Variants in ATAD2B observed in about 807,000 individuals in gnomAD.
The protein encoded by ATAD2B is ATPase family AAA domain containing 2B.
A neutral mutation model predicts 167.6 loss-of-function variants in ATAD2B; 40 were observed. That is an observed-to-expected ratio of 0.24 (90% CI 0.19 to 0.31). The LOEUF is 0.31. ATAD2B is among the 10% of genes least tolerant of loss of function. The pLI is 1.00. For synonymous variants in ATAD2B, 579 were observed against 596.5 expected (o/e 0.97, Z 0.43); for missense variants, 1,242 against 1,757.2 (o/e 0.71, Z 5.24).
chr2:23,924,853 A>ATT (rs1454905478), intron 1 of ATAD2B, among the ~76,000 whole-genome samples: 1 of 152,192 alleles, frequency 6.6e-6, no homozygotes, highest in Middle Eastern at 3.2e-3. Context: ...TAACATCTCT[A>ATT]TAACAGCTGC....
At chr2:23,871,900 C>T (rs1209189618) in intron 8 of ATAD2B, among the ~76,000 whole-genome samples, 1 of 151,882 alleles carries the variant, frequency 6.6e-6, no homozygotes, top group African/African-American at 2.4e-5. Context: ...TTTTTTGAGA[C>T]AGAATCTCGC....
At chr2:23,802,229 C>T (rs945874975) in intron 18 of ATAD2B, among the ~76,000 whole-genome samples, 13 of 151,802 alleles carry the variant, frequency 8.6e-5, no homozygotes, top group Non-Finnish European at 1.6e-4. Flanking sequence ...AATTAAAAGG[C>T]ACTAATAAAT....
intron 13 of ATAD2B, among the ~76,000 whole-genome samples, chr2:23,854,842 T>C (rs1479410757): frequency 1.3e-5 from 2 of 152,140 alleles, no homozygotes; most frequent in Non-Finnish European, 2.9e-5. Flanking sequence ...ATCCTGACTC[T>C]TCAAAAGTCC....
chr2:23,879,309 GAAAA>G (rs57720701), intron 7 of ATAD2B, among the ~76,000 whole-genome samples: 1 of 142,162 alleles, frequency 7.0e-6, no homozygotes, highest in Non-Finnish European at 1.5e-5. Context: ...TTCAGCAAAA[GAAAA>G]AAAAAAAGGA....
rs370780418 is a variant in ATAD2B at position 23,908,618 on chromosome 2, T to C, written c.217-12648A>G. Among the ~76,000 whole-genome samples the C allele has an allele frequency of 7.6e-3, 1,161 of 152,130 alleles. 4 individuals carry two copies. The highest frequency in any genetic ancestry group is 0.011 in the Non-Finnish European group (759 of 67,970). On this transcript the variant is annotated intron_variant, in intron 1 of 27. Transcript: ENST00000238789. ...TCTAGAACTAGAAATACCATTTGAC[T>C]CAGCCATCCCATTACTGGGTATATA...
At chr2:23,692,566 C>A in the ATAD2B span, among the ~76,000 whole-genome samples, 1 of 152,212 alleles carries the variant, frequency 6.6e-6, no homozygotes. Context: ...GGGCACCAAG[C>A]AGTCTCGAGG....
At chr2:23,796,751 TAATACCAA>T (rs903539703) in intron 19 of ATAD2B, among the ~76,000 whole-genome samples, 5 of 152,222 alleles carry the variant, frequency 3.3e-5, no homozygotes, top group African/African-American at 1.2e-4. Flanking sequence ...TTTATAATAC[TAATACCAA>T]ACATTTAATA....
intron 1 of ATAD2B, among the ~76,000 whole-genome samples, chr2:23,925,974 G>A (rs1188138382): frequency 2.6e-5 from 4 of 152,136 alleles, no homozygotes; most frequent in African/African-American, 4.8e-5. Context: ...GATCTCTCCT[G>A]CCTGGAGAGG....
At chr2:23,805,553 T>C (rs796619921) in intron 18 of ATAD2B, among the ~76,000 whole-genome samples, 2 of 152,184 alleles carry the variant, frequency 1.3e-5, no homozygotes, top group South Asian at 4.1e-4. Context: ...GTGACAAATA[T>C]CCTTGTTCAT....
chr2:23,714,430 C>T, the ATAD2B span, among the ~76,000 whole-genome samples: 6 of 139,824 alleles, frequency 4.3e-5, no homozygotes, highest in East Asian at 2.2e-4. Context: ...TTAGTAGAGA[C>T]AGGGTTTCAC....
chr2:23,912,456 A>C (rs1702446130), intron 1 of ATAD2B, among the ~76,000 whole-genome samples: 1 of 152,078 alleles, frequency 6.6e-6, no homozygotes, highest in South Asian at 2.1e-4. Context: ...ACAGTGGGCT[A>C]CGATCATGCC....
chr2:23,886,043 C>T (rs1698619986), intron 4 of ATAD2B, among the ~76,000 whole-genome samples: 1 of 152,124 alleles, frequency 6.6e-6, no homozygotes, highest in Non-Finnish European at 1.5e-5. Context: ...CTCCTGGGCT[C>T]AAGTGATCCT....
chr2:23,755,445 A>C (rs1015500246), intron 25 of ATAD2B, among the ~76,000 whole-genome samples: 1 of 152,186 alleles, frequency 6.6e-6, no homozygotes. Flanking sequence ...AAGGTGGCTA[A>C]GCATAATTTC....
At chr2:23,806,985 A>G (rs1178502131) in intron 18 of ATAD2B, among the ~76,000 whole-genome samples, 1 of 152,228 alleles carries the variant, frequency 6.6e-6, no homozygotes, top group African/African-American at 2.4e-5. Flanking sequence ...ACATATTAAC[A>G]CAACATTATC....
At chr2:23,910,173 C>CT (rs756806271) in intron 1 of ATAD2B, among the ~76,000 whole-genome samples, 4,583 of 106,872 alleles carry the variant, frequency 0.043, 144 homozygotes, top group Middle Eastern at 0.059. Context: ...CTTGCATACT[C>CT]TTTTTTTTTT....
chr2:23,888,308 T>A (rs34131275), intron 3 of ATAD2B, 42 bp downstream of exon 3: 3 of 1,360,388 alleles, frequency 2.2e-6, no homozygotes, highest in Non-Finnish European at 2.1e-6. Flanking sequence ...TCTAACATTG[T>A]AAGAATTTTA....
intron 6 of ATAD2B, 42 bp downstream of exon 6, chr2:23,884,722 TC>T: frequency 8.4e-7 from 1 of 1,190,008 alleles, no homozygotes; most frequent in Non-Finnish European, 1.2e-6. Context: ...TTTTCTTCCC[TC>T]CCACCTGAAC....
intron 22 of ATAD2B, among the ~76,000 whole-genome samples, chr2:23,775,207 ATTTT>A (rs1483109184): frequency 6.7e-6 from 1 of 149,356 alleles, no homozygotes; most frequent in Non-Finnish European, 1.5e-5. Flanking sequence ...ATTTTATTTT[ATTTT>A]TTTATGTTTT....
At chr2:23,818,152 A>G (rs1315246184) in intron 17 of ATAD2B, among the ~76,000 whole-genome samples, 2 of 137,944 alleles carry the variant, frequency 1.4e-5, no homozygotes, top group South Asian at 2.5e-4. Context: ...AGAGAGAGAG[A>G]AGGAGGGAGG....
Sources: gnomAD v4.1 joint callset for allele counts (sites outside exome capture counted in the v4.1 genomes callset) on GRCh38, gnomAD v4.1.1 for gene constraint, MANE v1.5 for transcripts, NCBI Gene and HGNC (gene_info 2026-07-23, HGNC 2026-07-21) for gene names.